The following PINX1 variants were observed in gnomAD, a reference collection of about 807,000 sequenced individuals.
PINX1 encodes the protein PIN2 (TERF1) interacting telomerase inhibitor 1.
PINX1 carries 34 observed loss-of-function variants against 25.4 expected under a neutral mutation model. The ratio of observed to expected loss-of-function variants is 1.34; its 90% CI spans 1.02 to 1.78. The LOEUF (loss-of-function observed/expected upper bound fraction) is 1.78, where lower values mean the gene tolerates loss of function less well. Among genes scored for constraint, PINX1 ranks in the 40% most tolerant of loss-of-function variants. PINX1 has a pLI of 0.00. For synonymous variants in PINX1, 197 were observed against 147.7 expected, an observed-to-expected ratio of 1.33 and a Z score of -2.42; for missense variants, 592 against 404.9, an observed-to-expected ratio of 1.46 and a Z score of -3.97.
intron 6 of PINX1, among the ~76,000 whole-genome samples, chr8:10,801,414 T>C (rs916045269): frequency 6.6e-6 from 1 of 152,214 alleles, no homozygotes; most frequent in African/African-American, 2.4e-5. Flanking sequence ...TTTCATCAAC[T>C]GCTAAAGTGA....
At chr8:10,816,751 T>C (rs1797709909) in intron 6 of PINX1, among the ~76,000 whole-genome samples, 1 of 152,262 alleles carries the variant, frequency 6.6e-6, no homozygotes, top group African/African-American at 2.4e-5. Flanking sequence ...ATGTAGATTT[T>C]TTGTTAAATG....
chr8:10,769,862 G>A (rs1007533394), intron 6 of PINX1, among the ~76,000 whole-genome samples: 30 of 152,086 alleles, frequency 2.0e-4, no homozygotes, highest in African/African-American at 6.8e-4. Context: ...TCTCTCTTCA[G>A]AAGCCACCCC....
rs766014441 is a variant in PINX1 at position 10,832,848 on chromosome 8, G to A, written c.222+44C>T. The A allele has an allele frequency of 1.6e-5, 18 of 1,147,168 alleles. No individual in the cohort carries two copies. In the South Asian group the frequency reaches 2.3e-4, roughly 15 times the overall value. The allele number at this position is 1,147,168 out of a possible 1,614,324, so 71.1% of individuals were successfully genotyped here. A position where few individuals can be genotyped will look rare whatever the true frequency, so the allele number is the denominator to read the frequency against. The stretch of plus-strand genomic sequence containing the variant: ...CAACTTTCAGATTTACAAGACTGAA[G>A]CCAATTATGCAAAGACACCCAGGAG... On this transcript the variant is annotated intron_variant, in intron 3 of 6. Transcript: ENST00000314787.
At chr8:10,782,940 A>T (rs1801634310) in intron 6 of PINX1, among the ~76,000 whole-genome samples, 2 of 152,218 alleles carry the variant, frequency 1.3e-5, no homozygotes, top group African/African-American at 4.8e-5. Flanking sequence ...ATAAATATTT[A>T]TTCTGTCTTT....
In PINX1 at chr8:10,765,873, G is replaced by T. The variant is rs202049952; in HGVS notation, c.515C>A (p.Thr172Lys). The T allele has an allele frequency of 5.5e-5, 89 of 1,613,948 alleles. No homozygotes were observed. The African/African-American group carries it at 1.1e-3, about 20-fold the overall frequency. Residue 172 changes from threonine to lysine, a missense_variant, in exon 7 of 7, where the codon ACA (threonine) becomes AAA (lysine). Transcript: ENST00000314787. ...CTCCTGGATGGTGAAGGCGCTGGTT[G>T]TCGTGGTTTCGTTCTCCTCTGGAGT... ...PSTPEENETTTTSAFTIQEYF... is the reference protein window; with the variant it reads ...PSTPEENETTKTSAFTIQEYF...
At chr8:10,776,175 C>A (rs1443290328) in intron 6 of PINX1, among the ~76,000 whole-genome samples, 1 of 152,138 alleles carries the variant, frequency 6.6e-6, no homozygotes, top group Non-Finnish European at 1.5e-5. Context: ...CCTGTAAACC[C>A]AGCACTTTGG....
intron 4 of PINX1, 146 bp from the exon 5 acceptor site, chr8:10,826,390 C>A: frequency 1.8e-6 from 1 of 543,086 alleles, no homozygotes; most frequent in Non-Finnish European, 3.2e-6. Context: ...GCAACAGCAC[C>A]CTTCTGCTGG....
intron 6 of PINX1, among the ~76,000 whole-genome samples, chr8:10,776,076 G>A (rs1334361743): frequency 6.6e-6 from 1 of 152,070 alleles, no homozygotes; most frequent in Non-Finnish European, 1.5e-5. Context: ...ATTCATTATA[G>A]CCTAGATAAG....
chr8:10,821,562 A>C (rs983334293), intron 5 of PINX1, among the ~76,000 whole-genome samples: 10 of 152,236 alleles, frequency 6.6e-5, no homozygotes, highest in Admixed American at 6.5e-4. Context: ...CCTACTTAAG[A>C]ATAGACGATG....
chr8:10,829,163 G>A (rs1011693115), intron 4 of PINX1, among the ~76,000 whole-genome samples: 3 of 151,858 alleles, frequency 2.0e-5, no homozygotes, highest in African/African-American at 7.3e-5. Context: ...GTGTGCACCT[G>A]TAATCCCAGC....
At chr8:10,837,071 C>T (rs777389598) in intron 1 of PINX1, among the ~76,000 whole-genome samples, 6 of 152,242 alleles carry the variant, frequency 3.9e-5, no homozygotes, top group Non-Finnish European at 7.3e-5. Flanking sequence ...CTGTTCATAA[C>T]AGGGAACTCA....
chr8:10,780,810 G>T (rs1801562343), intron 6 of PINX1, among the ~76,000 whole-genome samples: 1 of 152,082 alleles, frequency 6.6e-6, no homozygotes, highest in Admixed American at 6.5e-5. Context: ...AATGTAATCT[G>T]CCAAAATCCC....
chr8:10,811,819 C>G (rs1274111705), intron 6 of PINX1, among the ~76,000 whole-genome samples: 1 of 152,148 alleles, frequency 6.6e-6, no homozygotes, highest in Non-Finnish European at 1.5e-5. Context: ...AACGAGGCCT[C>G]AGAAGTCACC....
At chr8:10,808,202 T>C (rs139191747) in intron 6 of PINX1, among the ~76,000 whole-genome samples, 205 of 152,322 alleles carry the variant, frequency 1.3e-3, no homozygotes, top group African/African-American at 4.6e-3. Flanking sequence ...GTTTGAGTGG[T>C]GTAAAGGCCC....
intron 6 of PINX1, among the ~76,000 whole-genome samples, chr8:10,778,093 C>T (rs1323451475): frequency 1.3e-5 from 2 of 152,120 alleles, no homozygotes; most frequent in African/African-American, 2.4e-5. Context: ...CCAAGGATTA[C>T]ACTCTTTAGA....
At chr8:10,789,298 A>G (rs528890320) in intron 6 of PINX1, among the ~76,000 whole-genome samples, 21 of 152,330 alleles carry the variant, frequency 1.4e-4, no homozygotes, top group African/African-American at 4.6e-4. Flanking sequence ...GTAATAAGGT[A>G]TAAGTGACAG....
chr8:10,795,493 C>T (rs955704437), intron 6 of PINX1, among the ~76,000 whole-genome samples: 12 of 152,228 alleles, frequency 7.9e-5, no homozygotes, highest in African/African-American at 2.7e-4. Context: ...CTCCGCCTCC[C>T]GGATTCAAGT....
intron 6 of PINX1, among the ~76,000 whole-genome samples, chr8:10,807,708 T>G (rs1265581840): frequency 6.6e-6 from 1 of 152,190 alleles, no homozygotes; most frequent in Non-Finnish European, 1.5e-5. Context: ...AAAATGATTT[T>G]CAACTCAGAA....
At chr8:10,809,831 T>C (rs1802571095) in intron 6 of PINX1, among the ~76,000 whole-genome samples, 1 of 152,246 alleles carries the variant, frequency 6.6e-6, no homozygotes, top group East Asian at 1.9e-4. Flanking sequence ...TCTTCGAAGT[T>C]GTGTTAGTCT....
Sources: gnomAD v4.1 joint callset for allele counts (sites outside exome capture counted in the v4.1 genomes callset) on GRCh38, gnomAD v4.1.1 for gene constraint, MANE v1.5 for transcripts, NCBI Gene and HGNC (gene_info 2026-07-23, HGNC 2026-07-21) for gene names.